The following HMCN1 variants were observed in gnomAD, a reference collection of about 807,000 sequenced individuals.
HMCN1 encodes the protein hemicentin 1.
Under a neutral mutation model 625.9 loss-of-function variants are expected in HMCN1, and 321 were observed. That is an observed-to-expected ratio of 0.51 (90% CI 0.47 to 0.56). The LOEUF (loss-of-function observed/expected upper bound fraction) is 0.56, where lower values mean the gene tolerates loss of function less well. Ranked by LOEUF, HMCN1 falls within the 20% of genes least tolerant of loss-of-function variation. The pLI, the probability that HMCN1 is intolerant of heterozygous loss-of-function variation, is 0.00. For missense variants in HMCN1, 6,588 were observed against 6,887.3 expected (o/e 0.96, Z 1.54); for synonymous variants, 2,425 against 2,417.6 (o/e 1.00, Z -0.09).
chr1:185,928,952 T>C (rs1222321918), intron 10 of HMCN1, among the ~76,000 whole-genome samples: 1 of 152,074 alleles, frequency 6.6e-6, no homozygotes, highest in Non-Finnish European at 1.5e-5. Flanking sequence ...TTAAATGATA[T>C]GTAATATATG....
intron 4 of HMCN1, among the ~76,000 whole-genome samples, chr1:185,880,784 G>C (rs192843904): frequency 2.8e-4 from 43 of 152,332 alleles, no homozygotes; most frequent in Non-Finnish European, 1.0e-4. Context: ...GAAGAGTCTG[G>C]AGTAAAATCT....
At chr1:185,786,846 A>G (rs1218456766) in intron 1 of HMCN1, among the ~76,000 whole-genome samples, 1 of 152,104 alleles carries the variant, frequency 6.6e-6, no homozygotes. Context: ...CATATCGTAT[A>G]CTATGTGTCA....
At chr1:185,874,297 G>T (rs1663801631) in intron 4 of HMCN1, among the ~76,000 whole-genome samples, 1 of 151,880 alleles carries the variant, frequency 6.6e-6, no homozygotes, top group Non-Finnish European at 1.5e-5. Context: ...GCTTGCATTT[G>T]GTTCAACCTA....
At chr1:186,150,417 A>C (rs2102571327) in intron 93 of HMCN1, among the ~76,000 whole-genome samples, 1 of 152,300 alleles carries the variant, frequency 6.6e-6, no homozygotes, top group Admixed American at 6.5e-5. Flanking sequence ...ATTAATGTTG[A>C]GGCCCTTTTT....
chr1:185,752,757 C>G (rs939425281), intron 1 of HMCN1, among the ~76,000 whole-genome samples: 1 of 152,066 alleles, frequency 6.6e-6, no homozygotes, highest in Non-Finnish European at 1.5e-5. Context: ...AGATCTTTAC[C>G]AAGTATTCAA....
chr1:185,983,757 T>C (rs1380311378), intron 18 of HMCN1, among the ~76,000 whole-genome samples: 1 of 152,218 alleles, frequency 6.6e-6, no homozygotes. Context: ...CATGAGTAAG[T>C]GCCTATGTGC....
chr1:186,076,562 C>T lies in HMCN1; in HGVS notation c.8425C>T (p.Leu2809=), dbSNP rs775255404. The change falls in exon 54 of 107, where the codon CTG becomes TTG. Residue 2809 remains leucine (L), a synonymous_variant. Transcript: ENST00000271588. ...GACAAATGCTGCTCCCCCTCCTACA[C>T]TGACATGGTACAAAGATGGCCACCC... ...CETNAAPPPT[L]TWYKDGHPLT... 6.2e-6 allele frequency: 10 copies of T among 1,613,840 alleles called. No individual in the cohort carries two copies. The highest frequency in any genetic ancestry group is 3.3e-4 in the Middle Eastern group (2 of 6,058).
intron 36 of HMCN1, among the ~76,000 whole-genome samples, chr1:186,036,972 T>G (rs925279075): frequency 3.3e-5 from 5 of 152,144 alleles, no homozygotes; most frequent in Non-Finnish European, 7.3e-5. Context: ...AACTCAGTCA[T>G]ATTTATATAT....
chr1:185,933,673 T>G lies in HMCN1; in HGVS notation c.1677T>G (p.Asp559Glu), dbSNP rs751277673. The G allele has an allele frequency of 1.2e-6, 2 of 1,614,052 alleles. No individual in the cohort carries two copies. The highest frequency in any genetic ancestry group is 1.7e-6 in the Non-Finnish European group (2 of 1,179,956). ...YNLTWQRNDR[D>E]VRLAEPARIR... The stretch of plus-strand genomic sequence containing the variant: ...TAACCTGGCAGAGGAATGACAGAGA[T>G]GTCAGACTGGCAGAGCCAGCGAGAA... Residue 559 changes from aspartate to glutamate, a missense_variant, in exon 11 of 107, where the codon GAT becomes GAG. Physicochemically the swap from Asp to Glu is conservative, Grantham distance 45. Transcript: ENST00000271588.
chr1:185,941,440 C>G (rs1228689034), intron 11 of HMCN1, among the ~76,000 whole-genome samples: 1 of 152,148 alleles, frequency 6.6e-6, no homozygotes, highest in East Asian at 1.9e-4. Context: ...GTTAGAACAT[C>G]TGACTGTACA....
chr1:185,846,122 T>C (rs1453549917), intron 2 of HMCN1, 26 bp downstream of exon 2: 4 of 1,510,728 alleles, frequency 2.6e-6, no homozygotes. Context: ...CAGTGTTCTC[T>C]TGGGGGAATG....
At chr1:185,751,601 G>A (rs1051038498) in intron 1 of HMCN1, among the ~76,000 whole-genome samples, 2 of 151,914 alleles carry the variant, frequency 1.3e-5, no homozygotes, top group Non-Finnish European at 2.9e-5. Flanking sequence ...CTTACTGTCT[G>A]TAATCTCCCC....
intron 105 of HMCN1, among the ~76,000 whole-genome samples, chr1:186,184,326 T>C (rs756098961): frequency 2.0e-5 from 3 of 152,254 alleles, no homozygotes; most frequent in Non-Finnish European, 4.4e-5. Flanking sequence ...AACCAAAGAC[T>C]GCTTTTTATT....
intron 1 of HMCN1, among the ~76,000 whole-genome samples, chr1:185,829,451 C>G (rs1475913715): frequency 6.6e-6 from 1 of 152,100 alleles, no homozygotes; most frequent in Non-Finnish European, 1.5e-5. Flanking sequence ...TCATTCCCCC[C>G]TCTGTGTCCA....
At position 185,794,285 on chromosome 1, in the gene HMCN1, T is replaced by C. The variant is rs894849530; in HGVS notation, c.269-51741T>C. Among the ~76,000 whole-genome samples the C allele has an allele frequency of 5.9e-5, 9 of 152,068 alleles. No individual in the cohort carries two copies. In the East Asian group the frequency reaches 1.7e-3, roughly 29 times the overall value. ...GAATTTAGCTAAGTTTTATTGAATG[T>C]ATACAGTACATTTGTATTTGTCAGG... is the stretch of plus-strand genomic sequence containing the variant. On this transcript the variant is annotated intron_variant, in intron 1 of 106. Coordinates refer to ENST00000271588, the MANE Select transcript of HMCN1 (RefSeq NM_031935.3).
At position 186,103,552 on chromosome 1, in the gene HMCN1, G is replaced by A; in HGVS notation, c.10654G>A (p.Ala3552Thr). 4 of 1,613,874 alleles carry A rather than the reference G, an allele frequency of 2.5e-6. No individual in the cohort carries two copies. Among genetic ancestry groups the A allele is most frequent in the Non-Finnish European group, 3.4e-6 (4 of 1,179,830 alleles). Residue 3552 changes from alanine (A) to threonine (T), a missense_variant, in exon 69 of 107, where the codon GCT becomes ACT. By Grantham distance (58) the Ala-to-Thr change is moderately conservative (BLOSUM62 0). Around this residue, in one of 3 missense-constraint regions of HMCN1, gnomAD observed 4,628 missense variants for 4,853.1 expected, o/e 0.95. Transcript: ENST00000271588. ...VNNPLELTCIASGIPAPKMTW... is the reference protein window; with the variant it reads ...VNNPLELTCITSGIPAPKMTW... ...TAACCCACTTGAACTTACCTGCATT[G>A]CTTCTGGAATCCCAGCCCCTAAAAT...
chr1:185,957,046 G>A (rs1423398027), intron 11 of HMCN1: 1 of 152,192 alleles, frequency 6.6e-6, no homozygotes, highest in Non-Finnish European at 1.5e-5. Context: ...CAATAACACT[G>A]TAGGGAAGTC....
At chr1:185,849,629 A>T (rs1017894704) in intron 2 of HMCN1, among the ~76,000 whole-genome samples, 3 of 152,210 alleles carry the variant, frequency 2.0e-5, no homozygotes, top group African/African-American at 7.2e-5. Flanking sequence ...TGCACATAGT[A>T]ATGAGCATAA....
rs376847972 is a variant in HMCN1, at chr1:186,018,209, A to T, written c.5327A>T (p.Asp1776Val). The change falls in exon 34 of 107, where the codon GAT becomes GTT. Residue 1776 changes from aspartate (D) to valine (V), a missense_variant. Physicochemically the swap from Asp to Val is radical, Grantham distance 152. Transcript: ENST00000271588. Reference sequence around the variant, plus strand: ...TGGCTGAAGGATGGCCAGTTAATTGATGAAAGGGATGGATTCAAGATTTTA... The same window carrying T: ...TGGCTGAAGGATGGCCAGTTAATTGTTGAAAGGGATGGATTCAAGATTTTA... ...IMWLKDGQLI[D>V]ERDGFKILLN... 6.2e-7 allele frequency: 1 copy of T among 1,612,790 alleles called. No individual in the cohort carries two copies. Among genetic ancestry groups the T allele is most frequent in the African/African-American group, 1.3e-5 (1 of 74,946 alleles).
Sources: allele counts gnomAD v4.1 joint callset (sites outside exome capture counted in the v4.1 genomes callset), GRCh38; gene constraint gnomAD v4.1.1; regional missense constraint gnomAD v4.1.1; transcripts MANE v1.5; gene names NCBI Gene and HGNC (gene_info 2026-07-23, HGNC 2026-07-21).